CIMIP2B: variants seen among roughly 807,000 people sequenced by gnomAD.
The protein encoded by CIMIP2B is family with sequence similarity 166 member B.
chr9:35,562,835 TC>T, the CIMIP2B span: 1 of 1,612,990 alleles, frequency 6.2e-7, no homozygotes, highest in Non-Finnish European at 8.5e-7. Context: ...AGACCCCCAC[TC>T]CCACACCTCT....
chr9:35,563,033 C>A, the CIMIP2B span: 3 of 1,613,998 alleles, frequency 1.9e-6, no homozygotes, highest in African/African-American at 1.3e-5. Context: ...TCGGCCCAGA[C>A]CTGGCTGCAG....
chr9:35,562,452 G>A, the CIMIP2B span: 1 of 1,581,420 alleles, frequency 6.3e-7, no homozygotes, highest in Non-Finnish European at 8.6e-7. Flanking sequence ...GGGGGGAGAT[G>A]TTTGGGGTCC....
At chr9:35,562,530 T>C in the CIMIP2B span, 1 of 1,577,966 alleles carries the variant, frequency 6.3e-7, no homozygotes, top group Non-Finnish European at 8.6e-7. Flanking sequence ...ACAGGAAAGC[T>C]GGAGCCGAAG....
the CIMIP2B span, chr9:35,562,678 T>A: frequency 6.2e-7 from 1 of 1,613,710 alleles, no homozygotes; most frequent in South Asian, 1.1e-5. Flanking sequence ...AGGGTCCCTG[T>A]CATCCATGGA....
the CIMIP2B span, chr9:35,562,331 TACAA>T: frequency 0.49 from 632,374 of 1,300,714 alleles, 146,367 homozygotes; most frequent in Admixed American, 0.58. Flanking sequence ...CCCATACCCA[TACAA>T]ACAAACATTC....
chr9:35,562,495 T>C, the CIMIP2B span: 1 of 1,580,484 alleles, frequency 6.3e-7, no homozygotes, highest in Non-Finnish European at 8.6e-7. Flanking sequence ...TCTGCCCAAA[T>C]TCCTGCAGTG....
the CIMIP2B span, chr9:35,562,426 G>A: frequency 6.4e-7 from 1 of 1,555,044 alleles, no homozygotes; most frequent in South Asian, 1.3e-5. Context: ...GGTTCTGAGG[G>A]TATGTTCTGG....
chr9:35,563,794 T>C, the CIMIP2B span: 1 of 1,614,010 alleles, frequency 6.2e-7, no homozygotes, highest in Non-Finnish European at 8.5e-7. Flanking sequence ...GTTCTGAGGG[T>C]TGAGCCCTGG....
the CIMIP2B span, chr9:35,563,072 G>T: frequency 2.5e-6 from 4 of 1,613,942 alleles, no homozygotes; most frequent in Non-Finnish European, 3.4e-6. Context: ...TGTGCCCGGG[G>T]TACAAAACCT....
the CIMIP2B span, chr9:35,562,053 T>A: frequency 1.3e-6 from 2 of 1,535,860 alleles, no homozygotes; most frequent in Non-Finnish European, 1.7e-6. Flanking sequence ...CAGAGCATCA[T>A]GGGTGAGATG....
the CIMIP2B span, chr9:35,562,543 G>A: frequency 1.3e-6 from 2 of 1,583,746 alleles, no homozygotes; most frequent in South Asian, 2.3e-5. Context: ...AGCCGAAGAG[G>A]AAGCGGGCGC....
chr9:35,562,533 A>C, the CIMIP2B span: 1 of 1,578,748 alleles, frequency 6.3e-7, no homozygotes, highest in Non-Finnish European at 8.6e-7. Flanking sequence ...GGAAAGCTGG[A>C]GCCGAAGAGG....
chr9:35,563,158 G>A, the CIMIP2B span: 54 of 1,613,644 alleles, frequency 3.3e-5, no homozygotes, highest in Non-Finnish European at 4.2e-5. Context: ...GCATACCTGC[G>A]TACAAACCTG....
chr9:35,562,581 A>ATGGGGACACTGAGCCAAGGCATCC, the CIMIP2B span: 1 of 1,604,582 alleles, frequency 6.2e-7, no homozygotes, highest in Non-Finnish European at 8.5e-7. Context: ...AAGCCTGAGG[A>ATGGGGACACTGAGCCAAGGCATCC]TGGGGACACT....
At chr9:35,562,922 C>T in the CIMIP2B span, 1 of 1,614,046 alleles carries the variant, frequency 6.2e-7, no homozygotes, top group South Asian at 1.1e-5. Flanking sequence ...CCCTCCGGCT[C>T]TGGCACCTGG....
the CIMIP2B span, chr9:35,562,634 C>A: frequency 6.2e-7 from 1 of 1,612,608 alleles, no homozygotes; most frequent in East Asian, 2.2e-5. Context: ...CTGATCCTGA[C>A]CCCCCAGCTC....
At chr9:35,563,400 G>C in the CIMIP2B span, 2 of 1,593,748 alleles carry the variant, frequency 1.3e-6, no homozygotes, top group Non-Finnish European at 1.7e-6. Context: ...CTGCAGCACA[G>C]ACTCTCCCAC....
At chr9:35,563,401 ACT>A in the CIMIP2B span, 100 of 1,588,806 alleles carry the variant, frequency 6.3e-5, no homozygotes, top group Non-Finnish European at 8.1e-5. Context: ...TGCAGCACAG[ACT>A]CTCCCACTCA....
At chr9:35,562,112 G>A in the CIMIP2B span, 6 of 1,509,844 alleles carry the variant, frequency 4.0e-6, no homozygotes, top group South Asian at 6.1e-5. Context: ...GGCCAAGAGA[G>A]TCTGTCACAT....
Sources: gnomAD v4.1 joint callset for allele counts on GRCh38, gnomAD v4.1.1 for gene constraint, MANE v1.5 for transcripts, NCBI Gene and HGNC (gene_info 2026-07-23, HGNC 2026-07-21) for gene names.